Variants in CALN1 observed in about 807,000 individuals in gnomAD.
The protein encoded by CALN1 is calneuron 1, also known as calcium-binding protein 8.
In CALN1, 17 loss-of-function variants were observed where a neutral mutation model predicts 30.6. The observed-to-expected ratio is 0.56, with a 90% CI of 0.38 to 0.83. CALN1 has a LOEUF of 0.83. CALN1 is among the 40% of genes least tolerant of loss of function. CALN1 has a pLI of 0.00. For missense variants in CALN1, 291 were observed against 354.9 expected (o/e 0.82, Z 1.45); for synonymous variants, 156 against 131.4 (o/e 1.19, Z -1.28).
intron 2 of CALN1, among the ~76,000 whole-genome samples, chr7:72,378,611 G>C (rs1165369638): frequency 1.3e-5 from 2 of 151,714 alleles, no homozygotes; most frequent in African/African-American, 4.8e-5. Flanking sequence ...TTATACTGTA[G>C]TCGTCTTACA....
intron 1 of CALN1, among the ~76,000 whole-genome samples, chr7:72,411,180 G>C (rs1316296907): frequency 6.6e-6 from 1 of 151,958 alleles, no homozygotes; most frequent in Non-Finnish European, 1.5e-5. Flanking sequence ...AAAGGAAAAA[G>C]CAAAGCAATT....
intron 3 of CALN1, among the ~76,000 whole-genome samples, chr7:72,263,383 T>G (rs1042366493): frequency 6.6e-6 from 1 of 152,222 alleles, no homozygotes; most frequent in Middle Eastern, 3.4e-3. Context: ...CATGCATTTT[T>G]ATTTTATTTT....
At chr7:72,148,592 T>A (rs1019203172) in intron 3 of CALN1, among the ~76,000 whole-genome samples, 6 of 151,446 alleles carry the variant, frequency 4.0e-5, no homozygotes, top group Non-Finnish European at 8.8e-5. Flanking sequence ...GGTGACAATG[T>A]GAGGACCTGT....
chr7:72,114,792 A>G (rs1426053461), intron 3 of CALN1, among the ~76,000 whole-genome samples: 1 of 152,076 alleles, frequency 6.6e-6, no homozygotes, highest in Non-Finnish European at 1.5e-5. Flanking sequence ...TCAGGAGTTC[A>G]AGACCAGCCT....
At position 71,787,723 on chromosome 7, in the gene CALN1, C is replaced by T. The variant is rs113126722; in HGVS notation, c.*52G>A. ...TGTGTGGAGGAAGAGTCTGCCCGCA[C>T]GGCATGCACATGCGCGGTGAGCTGC... On this transcript the variant is annotated 3_prime_UTR_variant, in exon 7 of 7. Transcript: ENST00000395275. 3.4e-5 allele frequency: 55 copies of T among 1,603,242 alleles called. No individual in the cohort carries two copies. The highest frequency in any genetic ancestry group is 1.9e-4 in the Middle Eastern group (1 of 5,132).
chr7:72,206,159 G>A (rs549630265), intron 3 of CALN1, among the ~76,000 whole-genome samples: 3 of 152,250 alleles, frequency 2.0e-5, no homozygotes, highest in Admixed American at 2.0e-4. Flanking sequence ...TTATTCTTCA[G>A]ACGAATTTTA....
chr7:71,863,149 C>G (rs560159872), intron 5 of CALN1, among the ~76,000 whole-genome samples: 3 of 151,908 alleles, frequency 2.0e-5, no homozygotes, highest in Non-Finnish European at 4.4e-5. Flanking sequence ...GTCCCAGCTA[C>G]TTAGGAGGCT....
At chr7:72,038,702 G>A (rs1448027998) in intron 4 of CALN1, among the ~76,000 whole-genome samples, 1 of 152,102 alleles carries the variant, frequency 6.6e-6, no homozygotes, top group Non-Finnish European at 1.5e-5. Context: ...ACCAGCCAAA[G>A]CCCACCAAAA....
At chr7:72,409,874 T>C (rs1176886976) in intron 1 of CALN1, among the ~76,000 whole-genome samples, 2 of 152,164 alleles carry the variant, frequency 1.3e-5, no homozygotes, top group African/African-American at 4.8e-5. Flanking sequence ...CATCTTGTGG[T>C]CTCTGCTAGA....
intron 3 of CALN1, among the ~76,000 whole-genome samples, chr7:72,246,220 CCT>C (rs1308133540): frequency 4.6e-5 from 7 of 152,198 alleles, no homozygotes; most frequent in African/African-American, 1.7e-4. Context: ...AGAAACACCC[CCT>C]TTTTCCTCTC....
At chr7:71,797,625 A>T (rs1471011584) in intron 6 of CALN1, among the ~76,000 whole-genome samples, 1 of 152,074 alleles carries the variant, frequency 6.6e-6, no homozygotes, top group Admixed American at 6.5e-5. Context: ...CTCCTCTACA[A>T]AATCTCATGC....
chr7:71,846,018 A>G (rs987073207), intron 5 of CALN1, among the ~76,000 whole-genome samples: 2 of 152,028 alleles, frequency 1.3e-5, no homozygotes, highest in Non-Finnish European at 2.9e-5. Context: ...CCACTACTGC[A>G]CTCTAGCCTG....
At chr7:72,155,932 C>T (rs1376438459) in intron 3 of CALN1, among the ~76,000 whole-genome samples, 1 of 152,070 alleles carries the variant, frequency 6.6e-6, no homozygotes, top group Non-Finnish European at 1.5e-5. Context: ...AGCATTTTTT[C>T]CTCTCTCTAA....
At chr7:72,016,824 T>C (rs1800405203) in intron 5 of CALN1, among the ~76,000 whole-genome samples, 1 of 151,366 alleles carries the variant, frequency 6.6e-6, no homozygotes, top group Non-Finnish European at 1.5e-5. Context: ...TGGGAAGAAC[T>C]AGGTTTTGCA....
chr7:72,002,587 T>C (rs1799580478), intron 5 of CALN1, among the ~76,000 whole-genome samples: 1 of 152,020 alleles, frequency 6.6e-6, no homozygotes, highest in African/African-American at 2.4e-5. Flanking sequence ...GGTATACAGA[T>C]TGGAAAAGAA....
the CALN1 span, among the ~76,000 whole-genome samples, chr7:72,476,799 A>G: frequency 1.3e-5 from 2 of 152,256 alleles, no homozygotes; most frequent in African/African-American, 4.8e-5. Context: ...GGCAGAGGTT[A>G]GCAAATCAGA....
chr7:72,501,948 T>TATATATATATATATATATATATAC, the CALN1 span, among the ~76,000 whole-genome samples: 1 of 72,366 alleles, frequency 1.4e-5, no homozygotes, highest in African/African-American at 7.3e-5. Flanking sequence ...TATATATATA[T>TATATATATATATATATATATATAC]ACACACATAT....
chr7:72,472,442 CA>C, the CALN1 span, among the ~76,000 whole-genome samples: 518 of 152,240 alleles, frequency 3.4e-3, 4 homozygotes, highest in African/African-American at 0.012. Context: ...ACCCATTGGC[CA>C]GATCTGAAAG....
At chr7:72,132,765 C>T (rs150532704) in intron 3 of CALN1, among the ~76,000 whole-genome samples, 54 of 152,204 alleles carry the variant, frequency 3.5e-4, no homozygotes, top group African/African-American at 1.1e-3. Context: ...GCATGCAAGA[C>T]GGCTCTCTCC....
Sources: allele counts gnomAD v4.1 joint callset (sites outside exome capture counted in the v4.1 genomes callset), GRCh38; gene constraint gnomAD v4.1.1; transcripts MANE v1.5; gene names NCBI Gene and HGNC (gene_info 2026-07-23, HGNC 2026-07-21).